Variants in PPP3CA observed in about 807,000 individuals in gnomAD.
The protein encoded by PPP3CA is protein phosphatase 3 catalytic subunit alpha, also known as CAM-PRP catalytic subunit.
PPP3CA carries 14 observed loss-of-function variants against 66.5 expected under a neutral mutation model. The observed-to-expected ratio is 0.21, with a 90% CI of 0.14 to 0.33. The LOEUF (loss-of-function observed/expected upper bound fraction) is 0.33, where lower values mean the gene tolerates loss of function less well. Ranked by LOEUF, PPP3CA falls within the 10% of genes least tolerant of loss-of-function variation. The probability of loss-of-function intolerance (pLI) is 1.00; values close to 1 mark genes in which losing one functional copy is unlikely to be tolerated. For synonymous variants in PPP3CA, 232 were observed against 226.2 expected (o/e 1.03, Z -0.23); for missense variants, 317 against 639.5 (o/e 0.50, Z 5.44).
intron 2 of PPP3CA, among the ~76,000 whole-genome samples, chr4:101,124,159 C>T (rs1722122657): frequency 6.6e-6 from 1 of 151,944 alleles, no homozygotes. Context: ...TAATTGAATG[C>T]TAGGTAATGG....
chr4:101,099,665 G>A lies in PPP3CA; in HGVS notation c.442C>T (p.Arg148Cys). The A allele has an allele frequency of 6.3e-7, 1 of 1,595,608 alleles. No homozygotes were observed. The highest frequency in any genetic ancestry group is 2.3e-5 in the East Asian group (1 of 43,596). Residue 148 changes from arginine to cysteine, a missense_variant, in exon 4 of 14, where the codon CGT becomes TGT. This residue lies in a region of PPP3CA where 201 missense variants were observed against 501.4 expected (regional missense o/e 0.40). Transcript: ENST00000394854. ...AGATGTCTACATTCATGATTTCCAC[G>A]AAGTAAAAACAGTGTTTTGGGGTAG... ...ILYPKTLFLL[R>C]GNHECRHLTE...
intron 3 of PPP3CA, among the ~76,000 whole-genome samples, chr4:101,102,685 A>G (rs1337023174): frequency 1.3e-5 from 2 of 152,144 alleles, no homozygotes. Context: ...TCATAACCTG[A>G]TAGTTTTTTA....
intron 2 of PPP3CA, among the ~76,000 whole-genome samples, chr4:101,115,110 G>A (rs1035629523): frequency 6.6e-6 from 1 of 152,000 alleles, no homozygotes; most frequent in African/African-American, 2.4e-5. Context: ...AAGTAGTGCT[G>A]ATGAGAGAAA....
chr4:101,236,803 T>G (rs971925562), intron 1 of PPP3CA, among the ~76,000 whole-genome samples: 1 of 151,842 alleles, frequency 6.6e-6, no homozygotes, highest in African/African-American at 2.4e-5. Context: ...TGACACAGAT[T>G]GAAGACTAGT....
chr4:101,292,080 GAACACACA>G (rs1728045335), intron 1 of PPP3CA, among the ~76,000 whole-genome samples: 1 of 114,174 alleles, frequency 8.8e-6, no homozygotes, highest in Non-Finnish European at 1.8e-5. Flanking sequence ...CTGAGCCCAT[GAACACACA>G]CACACACACA....
chr4:101,042,318 G>GAAAACCA (rs1331951402), intron 10 of PPP3CA, among the ~76,000 whole-genome samples: 1 of 151,898 alleles, frequency 6.6e-6, no homozygotes, highest in African/African-American at 2.4e-5. Context: ...GAGGGTGTGT[G>GAAAACCA]AAAACCAGCA....
At chr4:101,167,814 G>T (rs1269997942) in intron 2 of PPP3CA, among the ~76,000 whole-genome samples, 1 of 152,188 alleles carries the variant, frequency 6.6e-6, no homozygotes, top group East Asian at 1.9e-4. Flanking sequence ...GAACATGTGT[G>T]AGAAAGAGAA....
chr4:101,106,475 GAAAAGAAAAGAAAAGAAAAGA>G (rs1730751030), intron 3 of PPP3CA, among the ~76,000 whole-genome samples: 6 of 36,210 alleles, frequency 1.7e-4, no homozygotes, highest in African/African-American at 1.0e-3. Context: ...GAAAAGAAAA[GAAAAGAAAAGAAAAGAAAAGA>G]AAAGAAAGAA....
At chr4:101,184,691 C>T (rs1485876561) in intron 2 of PPP3CA, among the ~76,000 whole-genome samples, 2 of 152,092 alleles carry the variant, frequency 1.3e-5, no homozygotes, top group African/African-American at 4.8e-5. Context: ...ATCTACTAGA[C>T]AGATTTCCTT....
At chr4:101,239,298 C>G (rs996746253) in intron 1 of PPP3CA, among the ~76,000 whole-genome samples, 53 of 152,190 alleles carry the variant, frequency 3.5e-4, no homozygotes, top group African/African-American at 1.2e-3. Context: ...TAATCTTATT[C>G]CAAAAGCACT....
At chr4:101,151,724 T>G (rs890015113) in intron 2 of PPP3CA, among the ~76,000 whole-genome samples, 3 of 131,716 alleles carry the variant, frequency 2.3e-5, no homozygotes, top group African/African-American at 5.7e-5. Flanking sequence ...TGGCGCAATC[T>G]CAGCTCACTG....
chr4:101,239,636 T>A (rs1397731715), intron 1 of PPP3CA, among the ~76,000 whole-genome samples: 2 of 151,928 alleles, frequency 1.3e-5, no homozygotes, highest in Non-Finnish European at 2.9e-5. Context: ...ATGCTAAAAA[T>A]GGTCATCATT....
At chr4:101,048,201 C>T (rs550476364) in intron 10 of PPP3CA, among the ~76,000 whole-genome samples, 6 of 152,184 alleles carry the variant, frequency 3.9e-5, no homozygotes, top group South Asian at 2.1e-4. Flanking sequence ...GGAGAAGCTG[C>T]GATAAGGCCT....
rs1267826161 is a variant in PPP3CA at position 101,346,973 on chromosome 4, C to T, written c.-177G>A. The T allele has an allele frequency of 2.4e-5, 16 of 672,104 alleles. No individual in the cohort carries two copies. The East Asian group carries it at 4.2e-4, about 18-fold the overall frequency. The allele number at this position is 672,104 out of a possible 1,614,324, so 41.6% of individuals were successfully genotyped here. ...TAAAGTTGCTGCCTTTTCCGCGCGT[C>T]CCTCCTCCGCCGCCGCCGCCTTCAC... On this transcript the variant is annotated 5_prime_UTR_variant, in exon 1 of 14. Transcript: ENST00000394854.
intron 2 of PPP3CA, among the ~76,000 whole-genome samples, chr4:101,185,815 C>A (rs1397807434): frequency 6.6e-6 from 1 of 152,132 alleles, no homozygotes; most frequent in African/African-American, 2.4e-5. Flanking sequence ...GGCCTTAGAA[C>A]CAAGAACTCC....
intron 1 of PPP3CA, among the ~76,000 whole-genome samples, chr4:101,278,636 T>C (rs976359276): frequency 2.0e-5 from 3 of 152,240 alleles, no homozygotes; most frequent in African/African-American, 7.2e-5. Context: ...CCCATAATTC[T>C]GAGGTGTGTC....
At chr4:101,274,820 C>T (rs1727438394) in intron 1 of PPP3CA, among the ~76,000 whole-genome samples, 1 of 152,030 alleles carries the variant, frequency 6.6e-6, no homozygotes, top group Non-Finnish European at 1.5e-5. Context: ...TACCAATAAT[C>T]AAGCTAAAGT....
intron 8 of PPP3CA, among the ~76,000 whole-genome samples, chr4:101,074,282 A>G (rs1459757797): frequency 1.3e-5 from 2 of 152,144 alleles, no homozygotes; most frequent in Non-Finnish European, 2.9e-5. Flanking sequence ...TTCCTTTCGG[A>G]GACCCCTCAT....
chr4:101,105,827 CACA>C lies in PPP3CA; in HGVS notation c.384+3124_384+3126del, dbSNP rs569974559. On this transcript the variant is annotated intron_variant, in intron 3 of 13. Coordinates refer to ENST00000394854, the MANE Select transcript of PPP3CA (RefSeq NM_000944.5). The stretch of plus-strand genomic sequence containing the variant: ...TAATAAAAAAAAATTTCCAACGCAG[CACA>C]ACATCATTTGACTGACAAAAATAAT... Among the ~76,000 whole-genome samples, 6 of 152,222 alleles carry C rather than the reference CACA, an allele frequency of 3.9e-5. No individual in the cohort carries two copies. The East Asian group carries it at 1.2e-3, about 29-fold the overall frequency.
Sources: gnomAD v4.1 joint callset for allele counts (sites outside exome capture counted in the v4.1 genomes callset) on GRCh38, gnomAD v4.1.1 for gene constraint, gnomAD v4.1.1 regional missense constraint, MANE v1.5 for transcripts, NCBI Gene and HGNC (gene_info 2026-07-23, HGNC 2026-07-21) for gene names.